SMIM35: variants seen among roughly 807,000 people sequenced by gnomAD.
SMIM35 encodes the protein small integral membrane protein 35.
intron 1 of SMIM35, among the ~76,000 whole-genome samples, chr11:118,023,230 T>A (rs377195557): frequency 6.2e-4 from 94 of 152,074 alleles, no homozygotes; most frequent in African/African-American, 2.0e-3. Context: ...TATTCACTCA[T>A]CAGTCTGAGG....
intron 1 of SMIM35, among the ~76,000 whole-genome samples, chr11:118,086,176 A>C (rs1945538520): frequency 6.6e-6 from 1 of 152,214 alleles, no homozygotes; most frequent in African/African-American, 2.4e-5. Flanking sequence ...GAATAGTTAC[A>C]TCTTCCCTGC....
intron 1 of SMIM35, among the ~76,000 whole-genome samples, chr11:118,030,772 G>A (rs1238724501): frequency 6.6e-6 from 1 of 152,124 alleles, no homozygotes; most frequent in Non-Finnish European, 1.5e-5. Flanking sequence ...AGGATGAGGA[G>A]GGTTCTAGGT....
chr11:118,024,280 G>A (rs2058255959), intron 1 of SMIM35, among the ~76,000 whole-genome samples: 1 of 152,068 alleles, frequency 6.6e-6, no homozygotes. Context: ...ATCAAGGAAG[G>A]CCTAAACTAT....
chr11:118,029,101 T>G (rs617345), intron 1 of SMIM35: 88,262 of 287,860 alleles, frequency 0.31, 17,651 homozygotes, highest in African/African-American at 0.68. Flanking sequence ...AATCACACGC[T>G]TGAAGTATAG....
At chr11:118,054,864 C>T (rs1327385484) in intron 1 of SMIM35, among the ~76,000 whole-genome samples, 1 of 149,320 alleles carries the variant, frequency 6.7e-6, no homozygotes, top group African/African-American at 2.5e-5. Context: ...AGTGCAGTGG[C>T]CCGATCTCTG....
chr11:118,020,847 C>T (rs1054543265), intron 1 of SMIM35, among the ~76,000 whole-genome samples: 3 of 152,120 alleles, frequency 2.0e-5, no homozygotes, highest in African/African-American at 7.2e-5. Flanking sequence ...TTAGAACTTC[C>T]AGTATAATGT....
At chr11:118,070,754 C>G (rs1440375772) in intron 1 of SMIM35, among the ~76,000 whole-genome samples, 2 of 102,274 alleles carry the variant, frequency 2.0e-5, no homozygotes, top group Non-Finnish European at 4.3e-5. Flanking sequence ...CGGCAAATTA[C>G]ACGGACAATA....
chr11:118,056,624 G>T (rs542448960), intron 1 of SMIM35, among the ~76,000 whole-genome samples: 10 of 152,168 alleles, frequency 6.6e-5, no homozygotes, highest in African/African-American at 2.4e-4. Context: ...AGGTGTAATC[G>T]CAGAAGGGGA....
chr11:118,076,379 G>A (rs771531881), intron 1 of SMIM35, among the ~76,000 whole-genome samples: 1 of 152,132 alleles, frequency 6.6e-6, no homozygotes, highest in African/African-American at 2.4e-5. Flanking sequence ...CCTAGGAGGC[G>A]GAGGTTGCAG....
At chr11:118,040,201 GC>G (rs1474744531) in intron 1 of SMIM35, among the ~76,000 whole-genome samples, 1 of 152,094 alleles carries the variant, frequency 6.6e-6, no homozygotes, top group Non-Finnish European at 1.5e-5. Context: ...GGGCAACAGG[GC>G]AAGACTCTGT....
intron 1 of SMIM35, among the ~76,000 whole-genome samples, chr11:118,075,763 A>G (rs912147351): frequency 2.6e-5 from 4 of 152,208 alleles, no homozygotes; most frequent in Non-Finnish European, 5.9e-5. Flanking sequence ...CTGGATTCAT[A>G]TGGAACCAGA....
intron 1 of SMIM35, among the ~76,000 whole-genome samples, chr11:118,028,572 A>C (rs1329410818): frequency 6.6e-6 from 1 of 152,216 alleles, no homozygotes; most frequent in Non-Finnish European, 1.5e-5. Flanking sequence ...TTTACAAATA[A>C]AACTATGCTT....
intron 1 of SMIM35, among the ~76,000 whole-genome samples, chr11:118,017,129 A>G (rs1452107378): frequency 6.6e-6 from 1 of 152,132 alleles, no homozygotes; most frequent in Non-Finnish European, 1.5e-5. Flanking sequence ...AACAAGAATT[A>G]CCCTCCTCAT....
chr11:118,018,854 T>C (rs73011721), intron 1 of SMIM35, among the ~76,000 whole-genome samples: 14,615 of 152,280 alleles, frequency 0.096, 981 homozygotes, highest in East Asian at 0.37. Context: ...CTTTAGTCTT[T>C]TTTTTAATAC....
intron 1 of SMIM35, among the ~76,000 whole-genome samples, chr11:118,041,638 A>G (rs1207588949): frequency 6.6e-6 from 1 of 152,216 alleles, no homozygotes. Flanking sequence ...CCGGTACACC[A>G]AAACTTGTGG....
At chr11:118,042,078 G>GAGAGAGAA (rs1190626565) in intron 1 of SMIM35, among the ~76,000 whole-genome samples, 2 of 141,104 alleles carry the variant, frequency 1.4e-5, no homozygotes, top group Non-Finnish European at 3.1e-5. Flanking sequence ...AAGAGAGAGA[G>GAGAGAGAA]AGAAAGAAAG....
At position 118,018,152 on chromosome 11, in the gene SMIM35, C is replaced by T. The variant is rs182947126; in HGVS notation, c.8-2343G>A. Among the ~76,000 whole-genome samples the T allele has an allele frequency of 2.4e-4, 36 of 152,102 alleles. 1 individual carries two copies. Among genetic ancestry groups the T allele is most frequent in the Admixed American group, 2.1e-3 (32 of 15,280 alleles). ...AGCAGGTTCCAGAAGCATCCAGGAG[C>T]CCTGGGTCATGAGCAGGAAGGCAGC... is the stretch of plus-strand genomic sequence containing the variant. On this transcript the variant is annotated intron_variant, in intron 1 of 4. Transcript: ENST00000689828.
At chr11:118,033,460 A>G (rs891787388) in intron 1 of SMIM35, among the ~76,000 whole-genome samples, 20 of 151,998 alleles carry the variant, frequency 1.3e-4, no homozygotes, top group African/African-American at 4.6e-4. Context: ...ATTCCTGTGT[A>G]TTTTTTTTCC....
At chr11:118,071,257 G>C (rs557402021) in intron 1 of SMIM35, among the ~76,000 whole-genome samples, 2 of 152,332 alleles carry the variant, frequency 1.3e-5, no homozygotes, top group South Asian at 4.1e-4. Context: ...AGCTCCCACT[G>C]AACAGAGGTG....
Sources: allele counts gnomAD v4.1 joint callset (sites outside exome capture counted in the v4.1 genomes callset), GRCh38; gene constraint gnomAD v4.1.1; transcripts MANE v1.5; gene names NCBI Gene and HGNC (gene_info 2026-07-23, HGNC 2026-07-21).